The following PKD2L1 variants were observed in gnomAD, a reference collection of about 807,000 sequenced individuals.
The protein encoded by PKD2L1 is polycystin-2-like protein 1.
In PKD2L1, 77 loss-of-function variants were observed where a neutral mutation model predicts 93.0. The ratio of observed to expected loss-of-function variants is 0.83; its 90% CI spans 0.69 to 1.00. The LOEUF is 1.00. PKD2L1 is among the 50% of genes least tolerant of loss of function. The probability of loss-of-function intolerance (pLI) is 0.00; values close to 1 mark genes in which losing one functional copy is unlikely to be tolerated. For synonymous variants in PKD2L1, 390 were observed against 388.0 expected (o/e 1.01, Z -0.06); for missense variants, 977 against 990.9 (o/e 0.99, Z 0.19).
intron 2 of PKD2L1, among the ~76,000 whole-genome samples, chr10:100,312,502 C>T (rs1312397590): frequency 5.9e-5 from 9 of 152,082 alleles, no homozygotes; most frequent in African/African-American, 1.7e-4. Flanking sequence ...AGATCTTAGC[C>T]CAGCTGGAAG....
chr10:100,329,129 T>C, intron 2 of PKD2L1, 82 bp downstream of exon 2: 3 of 1,348,752 alleles, frequency 2.2e-6, no homozygotes, highest in Non-Finnish European at 3.1e-6. Flanking sequence ...CCACAGATGT[T>C]GCCCACAGGA....
At position 100,298,809 on chromosome 10, in the gene PKD2L1, G is replaced by A; in HGVS notation, c.484C>T (p.Gln162Ter). Residue 162 changes from glutamine (Q) to a stop codon, truncating the protein, a stop_gained, in exon 4 of 16, where the codon CAG (glutamine) becomes TAG (stop). Transcript: ENST00000318222. LOFTEE classifies it high-confidence loss of function. ...SSMADFWDFAQGPLLDSLYWT... is the reference protein window; with the variant it reads ...SSMADFWDFA ...TACAAACTGTCCAGTAGTGGGCCCT[G>A]GGCAAACTGAACCACAAGCTGGCTT... 10 of 1,610,318 alleles carry A rather than the reference G, an allele frequency of 6.2e-6. No individual in the cohort carries two copies. The highest frequency in any genetic ancestry group is 8.5e-6 in the Non-Finnish European group (10 of 1,178,054).
Position 100,289,026 on chromosome 10 carries a change from G to GC in PKD2L1, c.2280dup (p.Pro761AlafsTer19). 2.5e-6 allele frequency: 4 copies of GC among 1,613,066 alleles called. No individual in the cohort carries two copies. Among genetic ancestry groups the GC allele is most frequent in the Non-Finnish European group, 3.4e-6 (4 of 1,179,274 alleles). On this transcript the variant is annotated frameshift_variant, in exon 15 of 16. Transcript: ENST00000318222. LOFTEE classifies it high-confidence loss of function. Reference sequence around the variant, plus strand: ...GGGTCTGGGGTCACAGCTGGGGCTGGCTGCGGGTGCTTCCAAATAGCTTGT... The same window carrying GC: ...GGGTCTGGGGTCACAGCTGGGGCTGGCCTGCGGGTGCTTCCAAATAGCTTGT...
chr10:100,301,454 GC>G lies in PKD2L1; in HGVS notation c.350-1737del, dbSNP rs55870246. On this transcript the variant is annotated intron_variant, in intron 2 of 15. Coordinates refer to ENST00000318222, the MANE Select transcript of PKD2L1 (RefSeq NM_016112.3). ...CACCCCCAGAGCAGCCATTTTAGAG[GC>G]CCCCCCCCCGGGAATGCATTCTTTT... Among the ~76,000 whole-genome samples, 429 of 146,494 alleles carry G rather than the reference GC, an allele frequency of 2.9e-3. 1 individual carries two copies. Among genetic ancestry groups the G allele is most frequent in the Admixed American group, 6.0e-3 (88 of 14,578 alleles).
Position 100,290,052 on chromosome 10 carries a change from A to C in PKD2L1, c.2213T>G (p.Leu738Arg). ...IDAVGSKLKM[L>R]ERKGWLAPSP... Reference sequence around the variant, plus strand: ...GGGAGCCAGCCACCCCTTCCTCTCCAGCATTTTCAGCTTTGAGCCTACAGC... The same window carrying C: ...GGGAGCCAGCCACCCCTTCCTCTCCCGCATTTTCAGCTTTGAGCCTACAGC... Residue 738 changes from leucine (L) to arginine (R), a missense_variant, in exon 14 of 16, where the codon CTG becomes CGG. Transcript: ENST00000318222. 1 of 1,614,206 alleles carries C rather than the reference A, an allele frequency of 6.2e-7. No individual in the cohort carries two copies. Among genetic ancestry groups the C allele is most frequent in the Non-Finnish European group, 8.5e-7 (1 of 1,180,024 alleles).
chr10:100,294,012 C>CT (rs1848464924), intron 9 of PKD2L1, among the ~76,000 whole-genome samples: 1 of 152,134 alleles, frequency 6.6e-6, no homozygotes, highest in Non-Finnish European at 1.5e-5. Context: ...ACTCAGGAAG[C>CT]TAAAGTGGGA....
intron 11 of PKD2L1, 111 bp from the exon 12 acceptor site, chr10:100,291,538 G>A (rs941813481): frequency 1.8e-6 from 2 of 1,107,550 alleles, no homozygotes; most frequent in Non-Finnish European, 2.6e-6. Flanking sequence ...TTCTGGTAAA[G>A]AAGGTTCTCC....
chr10:100,298,628 C>T lies in PKD2L1; in HGVS notation c.665G>A (p.Ser222Asn). Residue 222 changes from serine to asparagine, a missense_variant, in exon 4 of 16, where the codon AGC becomes AAC. Ser to Asn is a conservative substitution (Grantham distance 46). Transcript: ENST00000318222. ...VHEDFREDIL[S>N]CYDVYSPDKE... ...GTCTGGAGAGTAGACATCATAGCAG[C>T]TCAGAATGTCCTCCCGGAAGTCTTC... 1 of 1,614,126 alleles carries T rather than the reference C, an allele frequency of 6.2e-7. No individual in the cohort carries two copies. The highest frequency in any genetic ancestry group is 1.6e-4 in the Middle Eastern group (1 of 6,062).
In PKD2L1 at chr10:100,291,189, C is replaced by A. The variant is rs1848397527; in HGVS notation, c.2007+112G>T. The A allele has an allele frequency of 2.7e-6, 3 of 1,120,762 alleles. No individual in the cohort carries two copies. In the East Asian group the frequency reaches 7.2e-5, roughly 27 times the overall value. 69.4% of individuals were successfully genotyped at this position (1,120,762 alleles called of 1,614,324 possible). ...TTGGGAACTACTATTCTAGAGAGTT[C>A]TTTACTATCTATGGGAGAGTTTTCA... is the stretch of plus-strand genomic sequence containing the variant. On this transcript the variant is annotated intron_variant, in intron 12 of 15. Coordinates refer to ENST00000318222, the MANE Select transcript of PKD2L1 (RefSeq NM_016112.3).
chr10:100,303,661 A>C (rs1036749727), intron 2 of PKD2L1, among the ~76,000 whole-genome samples: 1 of 152,192 alleles, frequency 6.6e-6, no homozygotes, highest in Admixed American at 6.5e-5. Context: ...CAAAGAAGGA[A>C]ACATTATTAT....
At chr10:100,290,168 G>A (rs1422164214) in intron 13 of PKD2L1, 30 bp from the exon 14 acceptor site, 3 of 1,613,008 alleles carry the variant, frequency 1.9e-6, no homozygotes, top group Middle Eastern at 3.3e-4. Flanking sequence ...GACGAATGGA[G>A]CAGAAATCTG....
intron 2 of PKD2L1, among the ~76,000 whole-genome samples, chr10:100,303,919 T>C (rs1253495327): frequency 6.6e-6 from 1 of 152,218 alleles, no homozygotes; most frequent in Non-Finnish European, 1.5e-5. Context: ...GTGGTACTCA[T>C]TGCTACAGCT....
chr10:100,321,772 G>C lies in PKD2L1; in HGVS notation c.349+7439C>G, dbSNP rs1181241098. Among the ~76,000 whole-genome samples, 27 of 3,066 alleles carry C rather than the reference G, an allele frequency of 8.8e-3. 4 individuals are homozygous for C. The highest frequency in any genetic ancestry group is 0.034 in the African/African-American group (25 of 730). The allele number at this position is 3,066 out of a possible 152,430, so 2.0% of individuals were successfully genotyped here. A position where few individuals can be genotyped will look rare whatever the true frequency, so the allele number is the denominator to read the frequency against. On this transcript the variant is annotated intron_variant, in intron 2 of 15. Coordinates refer to ENST00000318222, the MANE Select transcript of PKD2L1 (RefSeq NM_016112.3). Reference sequence around the variant, plus strand: ...GAAAGAAAGAAGGGAGGGAGGGAGGGAGGGAGGGAGGGAGGGAGGGAGGGA... The same window carrying C: ...GAAAGAAAGAAGGGAGGGAGGGAGGCAGGGAGGGAGGGAGGGAGGGAGGGA...
intron 12 of PKD2L1, 120 bp downstream of exon 12, chr10:100,291,181 A>G: frequency 9.6e-7 from 1 of 1,046,166 alleles, no homozygotes; most frequent in East Asian, 2.4e-5. Flanking sequence ...CTACTATTCT[A>G]GAGAGTTCTT....
In PKD2L1 at chr10:100,330,034, C is replaced by CG; in HGVS notation, c.69dup (p.Ala24ArgfsTer31). The CG allele has an allele frequency of 6.2e-7, 1 of 1,612,262 alleles. No homozygotes were observed. Among genetic ancestry groups the CG allele is most frequent in the Non-Finnish European group, 8.5e-7 (1 of 1,178,862 alleles). On this transcript the variant is annotated frameshift_variant, in exon 1 of 16. Coordinates refer to ENST00000318222, the MANE Select transcript of PKD2L1 (RefSeq NM_016112.3). LOFTEE classifies it high-confidence loss of function. ...TGTGGGGAAGGGGGACCACTGTAGGCGGGGTTGTCCCAGGCTCCACTCCCC... is the reference window on the plus strand; with the variant it reads ...TGTGGGGAAGGGGGACCACTGTAGGCGGGGGTTGTCCCAGGCTCCACTCCCC...
rs147824156 is a variant in PKD2L1 at position 100,298,635 on chromosome 10, T to C, written c.658A>G (p.Ile220Val). 6.8e-6 allele frequency: 11 copies of C among 1,614,042 alleles called. No individual in the cohort carries two copies. Among genetic ancestry groups the C allele is most frequent in the South Asian group, 2.2e-5 (2 of 91,086 alleles). The change falls in exon 4 of 16, where the codon ATT becomes GTT. Residue 220 changes from isoleucine to valine, a missense_variant. Transcript: ENST00000318222. Reference sequence around the variant, plus strand: ...GAGTAGACATCATAGCAGCTCAGAATGTCCTCCCGGAAGTCTTCATGCACC... The same window carrying C: ...GAGTAGACATCATAGCAGCTCAGAACGTCCTCCCGGAAGTCTTCATGCACC... The part of the protein sequence containing the change: ...CVVHEDFRED[I>V]LSCYDVYSPD...
intron 13 of PKD2L1, 31 bp from the exon 14 acceptor site, chr10:100,290,169 C>A: frequency 6.2e-7 from 1 of 1,613,018 alleles, no homozygotes; most frequent in African/African-American, 1.3e-5. Context: ...ACGAATGGAG[C>A]AGAAATCTGT....
At chr10:100,307,529 G>A (rs564086015) in intron 2 of PKD2L1, among the ~76,000 whole-genome samples, 70 of 152,244 alleles carry the variant, frequency 4.6e-4, no homozygotes, top group African/African-American at 1.6e-3. Flanking sequence ...GCTTGGTGGT[G>A]GGCACCTGTG....
At chr10:100,292,189 G>A (rs975829495) in intron 11 of PKD2L1, among the ~76,000 whole-genome samples, 3 of 152,106 alleles carry the variant, frequency 2.0e-5, no homozygotes, top group African/African-American at 7.2e-5. Context: ...AAGTCTATGA[G>A]CTCTTAGAAA....
Sources: allele counts gnomAD v4.1 joint callset (sites outside exome capture counted in the v4.1 genomes callset), GRCh38; gene constraint gnomAD v4.1.1; transcripts MANE v1.5; gene names NCBI Gene and HGNC (gene_info 2026-07-23, HGNC 2026-07-21).